Variants in AGPS observed in about 807,000 individuals in gnomAD.
AGPS encodes the protein alkyldihydroxyacetonephosphate synthase, peroxisomal.
AGPS carries 26 observed loss-of-function variants against 90.7 expected under a neutral mutation model. The observed-to-expected ratio is 0.29, with a 90% CI of 0.21 to 0.40. The LOEUF (loss-of-function observed/expected upper bound fraction) is 0.40. AGPS is among the 10% of genes least tolerant of loss of function. The pLI is 1.00. For missense variants in AGPS, 540 were observed against 816.1 expected (o/e 0.66, Z 4.12); for synonymous variants, 294 against 285.3 (o/e 1.03, Z -0.31).
intron 5 of AGPS, among the ~76,000 whole-genome samples, chr2:177,438,175 G>T (rs962365949): frequency 5.3e-5 from 8 of 152,220 alleles, no homozygotes; most frequent in African/African-American, 1.9e-4. Flanking sequence ...CTTCCCACAA[G>T]AAACCTAATA....
rs2079245132 is a variant in AGPS, at chr2:177,542,388, C to A, written c.*4193C>A. The A allele has an allele frequency of 1.3e-5, 2 of 152,142 alleles. No homozygotes were observed. Among genetic ancestry groups the A allele is most frequent in the African/African-American group, 2.4e-5 (1 of 41,432 alleles). 9.4% of individuals were successfully genotyped at this position (152,142 alleles called of 1,614,324 possible). A position where few individuals can be genotyped will look rare whatever the true frequency, so the allele number is the denominator to read the frequency against. On this transcript the variant is annotated 3_prime_UTR_variant, in exon 20 of 20. Coordinates refer to ENST00000264167, the MANE Select transcript of AGPS (RefSeq NM_003659.4). ...TCCTCAAAGAGTGAGCACTCTTGTG[C>A]TCTTCTAATCATAATTAATTCCTTA... is the stretch of plus-strand genomic sequence containing the variant.
Position 177,430,402 on chromosome 2 carries a change from G to A in AGPS, c.351-3925G>A, listed in dbSNP as rs1448382859. 2.6e-5 allele frequency among the ~76,000 whole-genome samples: 4 copies of A among 152,206 alleles called. No homozygotes were observed. The East Asian group carries it at 5.8e-4, about 22-fold the overall frequency. Reference sequence around the variant, plus strand: ...TGCTGGGATTCCTAGGGTGGAGTCTGTAAAACTCCTGGGTTACTGTGCGAG... The same window carrying A: ...TGCTGGGATTCCTAGGGTGGAGTCTATAAAACTCCTGGGTTACTGTGCGAG... On this transcript the variant is annotated intron_variant, in intron 2 of 19. Coordinates refer to ENST00000264167, the MANE Select transcript of AGPS (RefSeq NM_003659.4).
At chr2:177,523,852 A>G (rs754679263) in intron 19 of AGPS, 47 bp downstream of exon 19, 1 of 1,486,590 alleles carries the variant, frequency 6.7e-7, no homozygotes, top group Non-Finnish European at 9.4e-7. Flanking sequence ...ACTTTAAAAA[A>G]TATTCAGTTC....
rs575665053 is a variant in AGPS, at chr2:177,397,562, C to A, written c.260+4513C>A. Among the ~76,000 whole-genome samples, 91 of 151,796 alleles carry A rather than the reference C, an allele frequency of 6.0e-4. No homozygotes were observed. The Middle Eastern group carries it at 0.01, about 17-fold the overall frequency. On this transcript the variant is annotated intron_variant, in intron 1 of 19. Coordinates refer to ENST00000264167, the MANE Select transcript of AGPS (RefSeq NM_003659.4). ...ATTCTTCCACACTGCTAACCTCTTT[C>A]CCAGTTATAACTTTGGCTCCAACCT...
At chr2:177,471,131 A>G (rs905411432) in intron 10 of AGPS, among the ~76,000 whole-genome samples, 4 of 152,178 alleles carry the variant, frequency 2.6e-5, no homozygotes, top group African/African-American at 9.7e-5. Flanking sequence ...AGGCCAGGAG[A>G]CAGCATGATT....
chr2:177,532,509 T>G (rs2079147526), intron 19 of AGPS, among the ~76,000 whole-genome samples: 1 of 152,208 alleles, frequency 6.6e-6, no homozygotes, highest in South Asian at 2.1e-4. Context: ...GTACATTGCT[T>G]GGGGGAATGT....
chr2:177,452,275 G>A (rs926511070), intron 8 of AGPS, among the ~76,000 whole-genome samples: 2 of 152,020 alleles, frequency 1.3e-5, no homozygotes, highest in Non-Finnish European at 2.9e-5. Flanking sequence ...TTGAAGGGGG[G>A]TATTAAAACC....
intron 10 of AGPS, among the ~76,000 whole-genome samples, chr2:177,472,093 T>G (rs1687639969): frequency 6.6e-6 from 1 of 151,894 alleles, no homozygotes; most frequent in Admixed American, 6.5e-5. Context: ...AGTTTTTTTT[T>G]GGATAGTAGT....
intron 16 of AGPS, 62 bp downstream of exon 16, chr2:177,508,093 G>A (rs1688763843): frequency 8.0e-7 from 1 of 1,251,858 alleles, no homozygotes; most frequent in Non-Finnish European, 1.2e-6. Flanking sequence ...TTGAAGTAAT[G>A]TTTCTTTTTG....
chr2:177,424,936 T>G (rs1180567053), intron 2 of AGPS, among the ~76,000 whole-genome samples: 1 of 152,354 alleles, frequency 6.6e-6, no homozygotes, highest in Non-Finnish European at 1.5e-5. Flanking sequence ...TGGTTTTTTC[T>G]TGTAAATTTG....
chr2:177,523,454 CAGTT>C (rs767166340), intron 18 of AGPS, among the ~76,000 whole-genome samples: 16 of 152,134 alleles, frequency 1.1e-4, no homozygotes, highest in Admixed American at 2.6e-4. Context: ...TACAACTTTG[CAGTT>C]ATTAATATTA....
At chr2:177,402,975 C>G (rs956872393) in intron 1 of AGPS, among the ~76,000 whole-genome samples, 1 of 152,002 alleles carries the variant, frequency 6.6e-6, no homozygotes, top group Non-Finnish European at 1.5e-5. Flanking sequence ...GAGAGTCACT[C>G]GAACCTGGGA....
At chr2:177,455,963 A>T (rs1041303190) in intron 8 of AGPS, among the ~76,000 whole-genome samples, 1 of 152,218 alleles carries the variant, frequency 6.6e-6, no homozygotes, top group African/African-American at 2.4e-5. Flanking sequence ...TTCATGGCAC[A>T]TGGTAAATAA....
At chr2:177,442,041 A>G in intron 6 of AGPS, among the ~76,000 whole-genome samples, 1 of 152,224 alleles carries the variant, frequency 6.6e-6, no homozygotes, top group South Asian at 2.1e-4. Context: ...CTAGTTGTAT[A>G]GGATGGGTCT....
chr2:177,509,004 A>G (rs951689772), intron 16 of AGPS, among the ~76,000 whole-genome samples: 1 of 152,180 alleles, frequency 6.6e-6, no homozygotes, highest in African/African-American at 2.4e-5. Context: ...TAAAATTTAT[A>G]AAGTACTTTA....
intron 14 of AGPS, among the ~76,000 whole-genome samples, chr2:177,501,432 T>A (rs1006100230): frequency 6.6e-6 from 1 of 152,214 alleles, no homozygotes; most frequent in Non-Finnish European, 1.5e-5. Context: ...TGCCTCATAA[T>A]TTTTATAGGG....
intron 19 of AGPS, among the ~76,000 whole-genome samples, chr2:177,534,180 A>G (rs2079163477): frequency 6.6e-6 from 1 of 152,200 alleles, no homozygotes; most frequent in Non-Finnish European, 1.5e-5. Flanking sequence ...TTAAGCCTCA[A>G]AGAGTAGTTT....
At chr2:177,404,523 A>G (rs986030245) in intron 1 of AGPS, among the ~76,000 whole-genome samples, 2 of 152,048 alleles carry the variant, frequency 1.3e-5, no homozygotes, top group Admixed American at 6.6e-5. Flanking sequence ...TGAACTTCAC[A>G]ATACTCATTA....
chr2:177,512,224 CAT>C lies in AGPS; in HGVS notation c.1608-1592_1608-1591del, dbSNP rs199999060. ...ATAAGGTATATATTCAAAATAAAGA[CAT>C]ATTAAATATCAGTCATCTAAATGTT... On this transcript the variant is annotated intron_variant, in intron 16 of 19. Coordinates refer to ENST00000264167, the MANE Select transcript of AGPS (RefSeq NM_003659.4). Among the ~76,000 whole-genome samples the C allele has an allele frequency of 4.0e-3, 610 of 151,956 alleles. 5 individuals carry two copies. The highest frequency in any genetic ancestry group is 0.032 in the East Asian group (167 of 5,190).
Sources: gnomAD v4.1 joint callset for allele counts (sites outside exome capture counted in the v4.1 genomes callset) on GRCh38, gnomAD v4.1.1 for gene constraint, MANE v1.5 for transcripts, NCBI Gene and HGNC (gene_info 2026-07-23, HGNC 2026-07-21) for gene names.